The following TBC1D5 variants were observed in gnomAD, a reference collection of about 807,000 sequenced individuals.
TBC1D5 encodes the protein TBC1 domain family member 5.
A neutral mutation model predicts 100.3 loss-of-function variants in TBC1D5; 75 were observed. The ratio of observed to expected loss-of-function variants is 0.75; its 90% CI spans 0.62 to 0.91. TBC1D5 has a LOEUF of 0.91. Among genes scored for constraint, TBC1D5 ranks in the 40% least tolerant of loss-of-function variants. The pLI, the probability that TBC1D5 is intolerant of heterozygous loss-of-function variation, is 0.00. For missense variants in TBC1D5, 910 were observed against 942.4 expected (o/e 0.97, Z 0.45); for synonymous variants, 323 against 325.6 (o/e 0.99, Z 0.09).
chr3:17,346,294 C>T (rs1358868484), intron 13 of TBC1D5, among the ~76,000 whole-genome samples: 3 of 152,134 alleles, frequency 2.0e-5, no homozygotes, highest in African/African-American at 4.8e-5. Context: ...TTCACCTTTG[C>T]TAACCTAATA....
chr3:17,349,767 T>G lies in TBC1D5; in HGVS notation c.995+22308A>C, dbSNP rs1288112429. On this transcript the variant is annotated intron_variant, in intron 13 of 21. Transcript: ENST00000253692. ...TCATTTCTGAGGTTCTTCTTAGCCTTATGAGTTAATCGCACCAAGAGAAGT... is the reference window on the plus strand; with the variant it reads ...TCATTTCTGAGGTTCTTCTTAGCCTGATGAGTTAATCGCACCAAGAGAAGT... Among the ~76,000 whole-genome samples the G allele has an allele frequency of 2.0e-5, 3 of 152,334 alleles. No homozygotes were observed. In the East Asian group the frequency reaches 5.8e-4, roughly 29 times the overall value.
chr3:17,616,491 T>C (rs982585215), intron 2 of TBC1D5, among the ~76,000 whole-genome samples: 1 of 152,186 alleles, frequency 6.6e-6, no homozygotes, highest in Non-Finnish European at 1.5e-5. Flanking sequence ...AGTGGAATGT[T>C]AAAGTCTCCC....
chr3:17,552,263 T>A (rs919316797), intron 2 of TBC1D5, among the ~76,000 whole-genome samples: 1 of 151,660 alleles, frequency 6.6e-6, no homozygotes, highest in South Asian at 2.1e-4. Context: ...GGAACTAACA[T>A]GGCTGGACAA....
At chr3:17,670,046 C>A (rs968776801) in intron 1 of TBC1D5, among the ~76,000 whole-genome samples, 3 of 152,172 alleles carry the variant, frequency 2.0e-5, no homozygotes, top group Non-Finnish European at 4.4e-5. Flanking sequence ...CCGCCATGCC[C>A]AGCTATTTTT....
chr3:17,533,130 T>C (rs1476059099), intron 2 of TBC1D5, among the ~76,000 whole-genome samples: 1 of 151,526 alleles, frequency 6.6e-6, no homozygotes, highest in East Asian at 1.9e-4. Context: ...CCTAAACTAT[T>C]AAATATTCTC....
At chr3:17,291,749 T>C in intron 15 of TBC1D5, 146 bp downstream of exon 15, 1 of 665,790 alleles carries the variant, frequency 1.5e-6, no homozygotes, top group South Asian at 2.1e-5. Flanking sequence ...TATATGGGTT[T>C]TGGCCTACAA....
intron 16 of TBC1D5, among the ~76,000 whole-genome samples, chr3:17,240,489 T>C (rs9865716): frequency 2.0e-5 from 3 of 152,258 alleles, no homozygotes; most frequent in East Asian, 1.9e-4. Context: ...CCTAGTGAAG[T>C]AGAGCATTCT....
At chr3:17,712,629 G>A (rs903053795) in intron 1 of TBC1D5, among the ~76,000 whole-genome samples, 8 of 152,090 alleles carry the variant, frequency 5.3e-5, no homozygotes, top group Non-Finnish European at 1.0e-4. Flanking sequence ...TCGGGAATAC[G>A]AGAGTCCCAC....
At chr3:17,284,829 T>C (rs974407168) in intron 15 of TBC1D5, among the ~76,000 whole-genome samples, 1 of 152,158 alleles carries the variant, frequency 6.6e-6, no homozygotes, top group African/African-American at 2.4e-5. Flanking sequence ...CAAAAAGTCT[T>C]TATTTCTGAT....
In TBC1D5 at chr3:17,728,443, T is replaced by C. The variant is rs907702382; in HGVS notation, c.-101+10900A>G. Among the ~76,000 whole-genome samples the C allele has an allele frequency of 1.1e-4, 16 of 152,104 alleles. No homozygotes were observed. The East Asian group carries it at 2.3e-3, about 22-fold the overall frequency. ...TGTGAGACCAACCAAAAAAAATTCA[T>C]AAAGAGAATAATGAGGGAAGTCTGG... On this transcript the variant is annotated intron_variant, in intron 1 of 21. Coordinates refer to ENST00000253692, the Ensembl canonical transcript of TBC1D5.
chr3:17,284,951 C>A (rs1386231342), intron 15 of TBC1D5, among the ~76,000 whole-genome samples: 1 of 151,308 alleles, frequency 6.6e-6, no homozygotes, highest in Non-Finnish European at 1.5e-5. Context: ...ATTAGTCACA[C>A]AGCTCAGAAA....
chr3:17,696,945 T>A (rs2072209411), intron 1 of TBC1D5, among the ~76,000 whole-genome samples: 1 of 152,188 alleles, frequency 6.6e-6, no homozygotes, highest in Admixed American at 6.5e-5. Flanking sequence ...CAAGGCTGAT[T>A]CAACATACGC....
At chr3:17,411,907 C>G (rs144280712) in intron 4 of TBC1D5, among the ~76,000 whole-genome samples, 75 of 152,246 alleles carry the variant, frequency 4.9e-4, no homozygotes, top group Middle Eastern at 3.4e-3. Flanking sequence ...ACATCTCAAA[C>G]TGATGAACGG....
At chr3:17,367,501 T>A (rs1344943397) in intron 13 of TBC1D5, among the ~76,000 whole-genome samples, 2 of 152,098 alleles carry the variant, frequency 1.3e-5, no homozygotes, top group African/African-American at 4.8e-5. Flanking sequence ...TATTGACAGG[T>A]TTATAGAACC....
At chr3:17,161,111 T>C in exon 22 of TBC1D5, 1 of 1,614,182 alleles carries the variant, frequency 6.2e-7, no homozygotes, top group South Asian at 1.1e-5. Context: ...GGCCTGGCTT[T>C]TCCCAGAGGT....
intron 2 of TBC1D5, among the ~76,000 whole-genome samples, chr3:17,548,169 G>A (rs2153440479): frequency 6.6e-6 from 1 of 152,198 alleles, no homozygotes; most frequent in South Asian, 2.1e-4. Flanking sequence ...CAAAAAATCA[G>A]CCGGGCATGG....
chr3:17,612,643 A>G lies in TBC1D5; in HGVS notation c.-36+11206T>C, dbSNP rs555841032. On this transcript the variant is annotated intron_variant, in intron 2 of 21. Coordinates refer to ENST00000253692, the Ensembl canonical transcript of TBC1D5. ...GATACTCTATCTCAAAAAAAATAAA[A>G]AATAAAATAAACAAACTAGTAGAGA... Among the ~76,000 whole-genome samples, 7 of 152,214 alleles carry G rather than the reference A, an allele frequency of 4.6e-5. No homozygotes were observed. In the South Asian group the frequency reaches 1.4e-3, roughly 32 times the overall value.
intron 2 of TBC1D5, among the ~76,000 whole-genome samples, chr3:17,521,931 A>G (rs956400138): frequency 6.6e-6 from 1 of 152,112 alleles, no homozygotes; most frequent in Non-Finnish European, 1.5e-5. Context: ...TTCAAAAATG[A>G]TGAGCTTACT....
At chr3:17,374,512 C>G in exon 12 of TBC1D5, 1 of 1,612,150 alleles carries the variant, frequency 6.2e-7, no homozygotes, top group Non-Finnish European at 8.5e-7. Context: ...CAAGGTTCAG[C>G]AGTTTCCATA....
Sources: allele counts gnomAD v4.1 joint callset (sites outside exome capture counted in the v4.1 genomes callset), GRCh38; gene constraint gnomAD v4.1.1; transcripts MANE v1.5; gene names NCBI Gene and HGNC (gene_info 2026-07-23, HGNC 2026-07-21).